Variants in RALYL observed in about 807,000 individuals in gnomAD.
RALYL encodes RNA-binding Raly-like protein.
Under a neutral mutation model 35.1 loss-of-function variants are expected in RALYL, and 29 were observed. That is an observed-to-expected ratio of 0.83 (90% CI 0.61 to 1.13). The LOEUF is 1.13. RALYL is among the 50% of genes most tolerant of loss of function. RALYL has a pLI of 0.00. For missense variants in RALYL, 359 were observed against 360.4 expected (o/e 1.00, Z 0.03); for synonymous variants, 120 against 127.6 (o/e 0.94, Z 0.40).
At chr8:84,688,914 A>C (rs1450253447) in intron 2 of RALYL, among the ~76,000 whole-genome samples, 1 of 152,122 alleles carries the variant, frequency 6.6e-6, no homozygotes, top group African/African-American at 2.4e-5. Context: ...GGGATGTCGA[A>C]AGAATTTCTC....
intron 2 of RALYL, among the ~76,000 whole-genome samples, chr8:84,675,833 C>T (rs1834079032): frequency 6.6e-6 from 1 of 152,038 alleles, no homozygotes; most frequent in East Asian, 1.9e-4. Flanking sequence ...TGACTTTACC[C>T]CTATACAATA....
intron 2 of RALYL, among the ~76,000 whole-genome samples, chr8:84,685,302 G>T (rs1442797088): frequency 6.6e-6 from 1 of 152,110 alleles, no homozygotes; most frequent in African/African-American, 2.4e-5. Flanking sequence ...AGAAGATACA[G>T]TCTACTTTTT....
chr8:84,327,706 T>C (rs976740759), intron 1 of RALYL, among the ~76,000 whole-genome samples: 1 of 151,858 alleles, frequency 6.6e-6, no homozygotes, highest in Admixed American at 6.6e-5. Context: ...GCCATTCCCC[T>C]CATCTGTCTC....
intron 1 of RALYL, among the ~76,000 whole-genome samples, chr8:84,282,726 A>C (rs980764042): frequency 7.2e-6 from 1 of 139,592 alleles, no homozygotes; most frequent in Non-Finnish European, 1.5e-5. Flanking sequence ...GTGTATATAT[A>C]TGTATCTATA....
At chr8:84,885,730 T>C (rs1184940838) in intron 7 of RALYL, among the ~76,000 whole-genome samples, 1 of 152,154 alleles carries the variant, frequency 6.6e-6, no homozygotes, top group African/African-American at 2.4e-5. Context: ...CTTGGTTTGA[T>C]CTACCAGCTC....
chr8:84,845,340 T>C (rs1187710341), intron 4 of RALYL, among the ~76,000 whole-genome samples: 1 of 152,142 alleles, frequency 6.6e-6, no homozygotes, highest in Non-Finnish European at 1.5e-5. Flanking sequence ...TTGCATCCTC[T>C]ACATCTGTTG....
At chr8:84,582,318 A>G (rs1347504457) in intron 2 of RALYL, among the ~76,000 whole-genome samples, 3 of 152,132 alleles carry the variant, frequency 2.0e-5, no homozygotes, top group Non-Finnish European at 4.4e-5. Context: ...TGGTAATGAG[A>G]ACTACTGTTA....
chr8:84,206,551 A>T (rs772114891), intron 1 of RALYL, among the ~76,000 whole-genome samples: 33 of 152,186 alleles, frequency 2.2e-4, no homozygotes, highest in Non-Finnish European at 4.0e-4. Context: ...GGACAATATG[A>T]ATTCCGTTTT....
chr8:84,249,875 G>GTT lies in RALYL; in HGVS notation c.-24+65460_-24+65461dup, dbSNP rs35180639. Among the ~76,000 whole-genome samples the GTT allele has an allele frequency of 3.7e-3, 556 of 148,932 alleles. 3 individuals carry two copies. Among genetic ancestry groups the GTT allele is most frequent in the South Asian group, 4.4e-3 (21 of 4,730 alleles). Reference sequence around the variant, plus strand: ...TGTATTGTTAATTTTGAGTTCAAAGGTTTTTTTTTTCCTATATGCACATAA... The same window carrying GTT: ...TGTATTGTTAATTTTGAGTTCAAAGGTTTTTTTTTTTTCCTATATGCACATAA... On this transcript the variant is annotated intron_variant, in intron 1 of 8. Transcript: ENST00000521268.
intron 1 of RALYL, among the ~76,000 whole-genome samples, chr8:84,264,934 C>G (rs964862079): frequency 6.6e-6 from 1 of 152,096 alleles, no homozygotes; most frequent in African/African-American, 2.4e-5. Context: ...AATGAAGGAG[C>G]TAATATGATC....
intron 7 of RALYL, among the ~76,000 whole-genome samples, chr8:84,876,850 G>C (rs556358097): frequency 1.4e-3 from 206 of 152,232 alleles, no homozygotes; most frequent in African/African-American, 4.3e-3. Context: ...TGGTATAAGA[G>C]ATGAAGTTTT....
intron 2 of RALYL, among the ~76,000 whole-genome samples, chr8:84,592,320 A>G (rs75761063): frequency 0.01 from 1,569 of 152,288 alleles, 32 homozygotes; most frequent in African/African-American, 0.035. Flanking sequence ...TTTAAAGATA[A>G]TAAGTTTCCT....
intron 2 of RALYL, among the ~76,000 whole-genome samples, chr8:84,620,050 G>A (rs1406373303): frequency 1.8e-4 from 28 of 151,990 alleles, no homozygotes; most frequent in Non-Finnish European, 3.4e-4. Context: ...TTCAACTTTG[G>A]TGAATCTGAC....
At chr8:84,186,572 A>G (rs1812580134) in intron 1 of RALYL, among the ~76,000 whole-genome samples, 1 of 152,118 alleles carries the variant, frequency 6.6e-6, no homozygotes, top group African/African-American at 2.4e-5. Flanking sequence ...CCTAAGGTTG[A>G]GGTAGTATGT....
chr8:84,189,872 C>T (rs1241345491), intron 1 of RALYL, among the ~76,000 whole-genome samples: 4 of 152,120 alleles, frequency 2.6e-5, no homozygotes, highest in East Asian at 1.9e-4. Flanking sequence ...GAATATTGCC[C>T]CACACAGATA....
chr8:84,454,297 A>G (rs544858405), intron 1 of RALYL, among the ~76,000 whole-genome samples: 10 of 147,594 alleles, frequency 6.8e-5, no homozygotes, highest in African/African-American at 2.5e-4. Flanking sequence ...AGATTTCTAG[A>G]AGCTCTGTGT....
chr8:84,255,756 G>A (rs117113698), intron 1 of RALYL, among the ~76,000 whole-genome samples: 2,883 of 152,126 alleles, frequency 0.019, 42 homozygotes, highest in Non-Finnish European at 0.031. Context: ...TGAAATGACT[G>A]TGTCTGTGTT....
intron 2 of RALYL, among the ~76,000 whole-genome samples, chr8:84,553,827 C>G (rs370803914): frequency 6.6e-6 from 1 of 151,872 alleles, no homozygotes; most frequent in Non-Finnish European, 1.5e-5. Flanking sequence ...TTATTTCTTA[C>G]GTGTATATCT....
intron 1 of RALYL, among the ~76,000 whole-genome samples, chr8:84,284,366 C>T (rs1221558971): frequency 6.6e-6 from 1 of 152,118 alleles, no homozygotes; most frequent in Non-Finnish European, 1.5e-5. Context: ...CAAAAGTCAT[C>T]TGTAGTTCAG....
Sources: allele counts gnomAD v4.1 joint callset (sites outside exome capture counted in the v4.1 genomes callset), GRCh38; gene constraint gnomAD v4.1.1; transcripts MANE v1.5; gene names NCBI Gene and HGNC (gene_info 2026-07-23, HGNC 2026-07-21).